SLC25A21: variants seen among roughly 807,000 people sequenced by gnomAD.
The protein encoded by SLC25A21 is solute carrier family 25 member 21, also known as mitochondrial 2-oxodicarboxylate carrier.
Under a neutral mutation model 43.8 loss-of-function variants are expected in SLC25A21, and 47 were observed. The ratio of observed to expected loss-of-function variants is 1.07; its 90% CI spans 0.85 to 1.37. SLC25A21 has a LOEUF of 1.37. SLC25A21 is among the 40% of genes most tolerant of loss of function. The pLI, the probability that SLC25A21 is intolerant of heterozygous loss-of-function variation, is 0.00. For synonymous variants in SLC25A21, 131 were observed against 121.3 expected, an observed-to-expected ratio of 1.08 and a Z score of -0.52; for missense variants, 352 against 350.2, an observed-to-expected ratio of 1.00 and a Z score of -0.04.
chr14:36,845,486 CAA>C (rs1889513719), intron 2 of SLC25A21, among the ~76,000 whole-genome samples: 1 of 152,116 alleles, frequency 6.6e-6, no homozygotes, highest in South Asian at 2.1e-4. Context: ...TGCCATAAGT[CAA>C]GTCATACTCT....
At chr14:36,941,012 A>T (rs901965467) in intron 1 of SLC25A21, among the ~76,000 whole-genome samples, 5 of 152,104 alleles carry the variant, frequency 3.3e-5, no homozygotes, top group African/African-American at 1.2e-4. Context: ...ACTCCTACAG[A>T]TTAAAAGAAA....
rs574324105 is a variant in SLC25A21, at chr14:36,878,443, G to A, written c.71-3439C>T. Among the ~76,000 whole-genome samples, 8 of 152,256 alleles carry A rather than the reference G, an allele frequency of 5.3e-5. No homozygotes were observed. The South Asian group carries it at 1.4e-3, about 28-fold the overall frequency. On this transcript the variant is annotated intron_variant, in intron 1 of 9. Coordinates refer to ENST00000331299, the MANE Select transcript of SLC25A21 (RefSeq NM_030631.4). ...GCTGTGACTTTAATCAGAGTTCAGA[G>A]TTAAATCTGGATTCACTCAGAGTGG...
chr14:37,139,255 G>C lies in SLC25A21; in HGVS notation c.70+33026C>G, dbSNP rs925729439. Among the ~76,000 whole-genome samples, 5 of 151,980 alleles carry C rather than the reference G, an allele frequency of 3.3e-5. No homozygotes were observed. The East Asian group carries it at 7.7e-4, about 23-fold the overall frequency. ...TTTAAATCAAAAGTCTGCTAAACATGTACAATCATTTTGAAAATAAATAAC... is the reference window on the plus strand; with the variant it reads ...TTTAAATCAAAAGTCTGCTAAACATCTACAATCATTTTGAAAATAAATAAC... On this transcript the variant is annotated intron_variant, in intron 1 of 9. Transcript: ENST00000331299.
At chr14:36,746,354 C>T (rs1461918764) in intron 3 of SLC25A21, among the ~76,000 whole-genome samples, 2 of 147,500 alleles carry the variant, frequency 1.4e-5, no homozygotes, top group African/African-American at 4.9e-5. Flanking sequence ...AACAGAAAGT[C>T]AAAAAACTTC....
chr14:37,025,809 A>G (rs552438001), intron 1 of SLC25A21, among the ~76,000 whole-genome samples: 2 of 152,234 alleles, frequency 1.3e-5, no homozygotes, highest in East Asian at 3.9e-4. Flanking sequence ...TCCTTGCTGG[A>G]GATGCAATTT....
chr14:36,694,365 A>G (rs1027237170), intron 7 of SLC25A21, among the ~76,000 whole-genome samples: 2 of 152,336 alleles, frequency 1.3e-5, no homozygotes, highest in Admixed American at 6.5e-5. Context: ...TAGTGCTGCA[A>G]TAAACATATG....
In SLC25A21 at chr14:36,939,310, G is replaced by C. The variant is rs184817628; in HGVS notation, c.71-64306C>G. On this transcript the variant is annotated intron_variant, in intron 1 of 9. Coordinates refer to ENST00000331299, the MANE Select transcript of SLC25A21 (RefSeq NM_030631.4). ...ATCATATAAGCTGGAGCCAGGGGTG[G>C]GGGGGGAATGTAAATACGAATTCTC... Among the ~76,000 whole-genome samples, 22 of 152,084 alleles carry C rather than the reference G, an allele frequency of 1.4e-4. No homozygotes were observed. In the East Asian group the frequency reaches 2.5e-3, roughly 17 times the overall value.
chr14:36,850,097 A>G (rs187438709), intron 2 of SLC25A21, among the ~76,000 whole-genome samples: 68 of 152,268 alleles, frequency 4.5e-4, no homozygotes, highest in Non-Finnish European at 7.3e-5. Flanking sequence ...TGGGGTGCAT[A>G]TAGTAGCATC....
intron 7 of SLC25A21, among the ~76,000 whole-genome samples, chr14:36,704,475 G>A (rs1440407287): frequency 1.3e-5 from 2 of 151,992 alleles, no homozygotes; most frequent in African/African-American, 2.4e-5. Flanking sequence ...TGACCAACAC[G>A]GTGAAACCCT....
intron 1 of SLC25A21, among the ~76,000 whole-genome samples, chr14:37,136,968 G>A (rs190463092): frequency 6.6e-6 from 1 of 152,254 alleles, no homozygotes; most frequent in East Asian, 1.9e-4. Flanking sequence ...GAACTATTCT[G>A]TATGTCTGAA....
chr14:36,747,130 T>C (rs966350048), intron 3 of SLC25A21, among the ~76,000 whole-genome samples: 6 of 152,218 alleles, frequency 3.9e-5, no homozygotes, highest in Non-Finnish European at 5.9e-5. Context: ...TTTCACTGAA[T>C]TGAATATGTA....
chr14:36,927,377 A>G (rs112390417), intron 1 of SLC25A21, among the ~76,000 whole-genome samples: 1,755 of 152,328 alleles, frequency 0.012, 38 homozygotes, highest in African/African-American at 0.039. Flanking sequence ...AACTGTTTCA[A>G]CAGAGTGATA....
intron 3 of SLC25A21, among the ~76,000 whole-genome samples, chr14:36,797,718 T>G (rs1234341867): frequency 6.6e-6 from 1 of 152,178 alleles, no homozygotes; most frequent in African/African-American, 2.4e-5. Context: ...TGGGACAAAT[T>G]AAGGGAAGAG....
At chr14:36,795,947 C>T (rs1244465961) in intron 3 of SLC25A21, among the ~76,000 whole-genome samples, 1 of 152,142 alleles carries the variant, frequency 6.6e-6, no homozygotes, top group Non-Finnish European at 1.5e-5. Flanking sequence ...TATATGTAAC[C>T]ACCTCAGAAC....
rs146413491 is a variant in SLC25A21 at position 36,903,931 on chromosome 14, C to T, written c.71-28927G>A. Reference sequence around the variant, plus strand: ...TGAAAATATATGCAAGAAAGTGTCACTCTTGCCTTTTTTTGTTCTTAGAAA... The same window carrying T: ...TGAAAATATATGCAAGAAAGTGTCATTCTTGCCTTTTTTTGTTCTTAGAAA... On this transcript the variant is annotated intron_variant, in intron 1 of 9. Transcript: ENST00000331299. 1.6e-3 allele frequency among the ~76,000 whole-genome samples: 237 copies of T among 152,308 alleles called. 1 individual carries two copies. The highest frequency in any genetic ancestry group is 5.0e-3 in the African/African-American group (208 of 41,574).
intron 1 of SLC25A21, among the ~76,000 whole-genome samples, chr14:36,923,678 AC>A (rs1892043032): frequency 6.6e-6 from 1 of 152,188 alleles, no homozygotes; most frequent in Non-Finnish European, 1.5e-5. Context: ...AAATGGAAAT[AC>A]AGTCAGCCTT....
intron 1 of SLC25A21, among the ~76,000 whole-genome samples, chr14:37,169,607 A>ACACACACAC (rs368683196): frequency 2.6e-5 from 4 of 151,244 alleles, no homozygotes; most frequent in Non-Finnish European, 5.9e-5. Flanking sequence ...ACACACACAC[A>ACACACACAC]GAAGTGTTGT....
chr14:36,928,806 T>C (rs1446958877), intron 1 of SLC25A21, among the ~76,000 whole-genome samples: 1 of 152,162 alleles, frequency 6.6e-6, no homozygotes, highest in Non-Finnish European at 1.5e-5. Context: ...TAAAAAATCA[T>C]TCTGAAGAAA....
intron 3 of SLC25A21, among the ~76,000 whole-genome samples, chr14:36,773,797 C>G (rs749894716): frequency 6.6e-6 from 1 of 152,180 alleles, no homozygotes; most frequent in Non-Finnish European, 1.5e-5. Context: ...CCAGCCAGGT[C>G]TCTATGACTC....
Sources: allele counts gnomAD v4.1 joint callset (sites outside exome capture counted in the v4.1 genomes callset), GRCh38; gene constraint gnomAD v4.1.1; transcripts MANE v1.5; gene names NCBI Gene and HGNC (gene_info 2026-07-23, HGNC 2026-07-21).